LCLAT1: variants seen among roughly 807,000 people sequenced by gnomAD.
LCLAT1 encodes the protein lysocardiolipin acyltransferase 1.
In LCLAT1, 11 loss-of-function variants were observed where a neutral mutation model predicts 30.7. The observed-to-expected ratio is 0.36, with a 90% confidence interval of 0.23 to 0.59. LCLAT1 has a LOEUF of 0.59. Ranked by LOEUF, LCLAT1 falls within the 20% of genes least tolerant of loss-of-function variation. LCLAT1 has a pLI of 0.77. For synonymous variants in LCLAT1, 155 were observed against 151.3 expected, an observed-to-expected ratio of 1.02 and a Z score of -0.18; for missense variants, 402 against 458.6, an observed-to-expected ratio of 0.88 and a Z score of 1.13.
rs829624 is a variant in LCLAT1 at position 30,533,330 on chromosome 2, A to G, written c.364+16A>G. 159,489 of 1,604,976 alleles carry G rather than the reference A, an allele frequency of 0.099. 8,299 individuals carry two copies. Among genetic ancestry groups the G allele is most frequent in the East Asian group, 0.12 (5,456 of 44,798 alleles). ...CCTGGATTTGGTAGGTTATTCACAC[A>G]TTATTTTAAGTGGTTCATTCATTTT... is the stretch of plus-strand genomic sequence containing the variant. On this transcript the variant is annotated intron_variant, in intron 3 of 5. Transcript: ENST00000379509.
At chr2:30,479,213 G>C (rs1309133633) in intron 1 of LCLAT1, among the ~76,000 whole-genome samples, 1 of 151,876 alleles carries the variant, frequency 6.6e-6, no homozygotes, top group Non-Finnish European at 1.5e-5. Context: ...GTATATACTT[G>C]TTTTTTGTTT....
chr2:30,547,401 G>T (rs1664474312), intron 3 of LCLAT1, among the ~76,000 whole-genome samples: 1 of 152,154 alleles, frequency 6.6e-6, no homozygotes, highest in African/African-American at 2.4e-5. Context: ...AAGGTCAGAA[G>T]TAGTATTTTA....
intron 1 of LCLAT1, among the ~76,000 whole-genome samples, chr2:30,474,551 A>G (rs953928504): frequency 2.0e-5 from 3 of 152,064 alleles, no homozygotes; most frequent in African/African-American, 4.8e-5. Flanking sequence ...ATTTGAGTAC[A>G]GTTCTGGATC....
intron 3 of LCLAT1, among the ~76,000 whole-genome samples, chr2:30,545,029 TGTAAG>T (rs1664333498): frequency 6.6e-6 from 1 of 152,180 alleles, no homozygotes; most frequent in Non-Finnish European, 1.5e-5. Context: ...CTTAACTATT[TGTAAG>T]CTTGATAGGA....
At chr2:30,511,285 G>A (rs1287478499) in intron 1 of LCLAT1, among the ~76,000 whole-genome samples, 5 of 152,210 alleles carry the variant, frequency 3.3e-5, no homozygotes, top group African/African-American at 1.2e-4. Context: ...AAAGTGCTAG[G>A]ATTACAGGCA....
intron 3 of LCLAT1, among the ~76,000 whole-genome samples, chr2:30,554,460 TAA>T (rs778493165): frequency 6.6e-6 from 1 of 152,242 alleles, no homozygotes; most frequent in Non-Finnish European, 1.5e-5. Context: ...TACCGTGATT[TAA>T]AAATATCAAG....
intron 3 of LCLAT1, among the ~76,000 whole-genome samples, chr2:30,538,084 T>C (rs994464178): frequency 6.6e-6 from 1 of 151,918 alleles, no homozygotes; most frequent in Admixed American, 6.6e-5. Context: ...AAAGCAGTAG[T>C]AAGAGCGCAG....
chr2:30,493,638 C>A (rs1309592784), intron 1 of LCLAT1, among the ~76,000 whole-genome samples: 1 of 152,168 alleles, frequency 6.6e-6, no homozygotes, highest in Non-Finnish European at 1.5e-5. Context: ...ACAGCTCTGT[C>A]ACTCTAGAAA....
At chr2:30,470,917 T>C (rs1435929021) in intron 1 of LCLAT1, among the ~76,000 whole-genome samples, 1 of 112,184 alleles carries the variant, frequency 8.9e-6, no homozygotes, top group Non-Finnish European at 2.0e-5. Context: ...TATTCATTCT[T>C]TTTTTTTTTT....
intron 5 of LCLAT1, among the ~76,000 whole-genome samples, chr2:30,569,140 T>G (rs1387696317): frequency 6.6e-6 from 1 of 152,182 alleles, no homozygotes. Context: ...GAGTCAGGGA[T>G]AGAACCTTCT....
At chr2:30,634,025 G>T (rs1049229705) in intron 5 of LCLAT1, among the ~76,000 whole-genome samples, 1 of 152,144 alleles carries the variant, frequency 6.6e-6, no homozygotes, top group African/African-American at 2.4e-5. Flanking sequence ...ACTTCATGCT[G>T]GATATTACAT....
At chr2:30,539,063 G>A (rs1329321063) in intron 3 of LCLAT1, among the ~76,000 whole-genome samples, 1 of 151,276 alleles carries the variant, frequency 6.6e-6, no homozygotes, top group African/African-American at 2.4e-5. Context: ...TGGTTCAAGC[G>A]ATTTTCCTGC....
intron 1 of LCLAT1, among the ~76,000 whole-genome samples, chr2:30,501,687 A>G (rs1684400138): frequency 6.6e-6 from 1 of 152,160 alleles, no homozygotes; most frequent in Admixed American, 6.5e-5. Flanking sequence ...GAAAAGAAAA[A>G]ATAATTGATA....
chr2:30,511,549 A>G (rs9808079), intron 1 of LCLAT1, among the ~76,000 whole-genome samples: 55,366 of 152,160 alleles, frequency 0.36, 11,209 homozygotes, highest in Non-Finnish European at 0.46. Context: ...TAACTAGGGA[A>G]CATTTCCATC....
At position 30,605,944 on chromosome 2, in the gene LCLAT1, T is replaced by G. The variant is rs899508525; in HGVS notation, c.629-34173T>G. On this transcript the variant is annotated intron_variant, in intron 5 of 5. Coordinates refer to ENST00000379509, the MANE Select transcript of LCLAT1 (RefSeq NM_001002257.3). The stretch of plus-strand genomic sequence containing the variant: ...GGAGCGCGCAACCTAGATCCCTCAC[T>G]TGCACAGTTCACAGGAGGGTTCTTG... The G allele has an allele frequency of 1.6e-5, 18 of 1,141,338 alleles. No homozygotes were observed. In the African/African-American group the frequency reaches 2.3e-4, roughly 15 times the overall value. The allele number at this position is 1,141,338 out of a possible 1,614,324, so 70.7% of individuals were successfully genotyped here.
At chr2:30,483,336 T>C (rs1229526814) in intron 1 of LCLAT1, among the ~76,000 whole-genome samples, 1 of 151,966 alleles carries the variant, frequency 6.6e-6, no homozygotes, top group Non-Finnish European at 1.5e-5. Flanking sequence ...AAAAATAAAA[T>C]AAATAAAATT....
At position 30,469,195 on chromosome 2, in the gene LCLAT1, T is replaced by C. The variant is rs189386825; in HGVS notation, c.-5+21812T>C. On this transcript the variant is annotated intron_variant, in intron 1 of 5. Transcript: ENST00000379509. ...TTTCTTCCATTCTGTGGGTTGTCTTTTCATTTTCTTGATGGTGGTCTTTCA... is the reference window on the plus strand; with the variant it reads ...TTTCTTCCATTCTGTGGGTTGTCTTCTCATTTTCTTGATGGTGGTCTTTCA... Among the ~76,000 whole-genome samples the C allele has an allele frequency of 1.5e-4, 23 of 152,316 alleles. No homozygotes were observed. The East Asian group carries it at 4.2e-3, about 28-fold the overall frequency.
At chr2:30,602,753 T>A (rs778052901) in intron 5 of LCLAT1, among the ~76,000 whole-genome samples, 1 of 152,214 alleles carries the variant, frequency 6.6e-6, no homozygotes, top group Non-Finnish European at 1.5e-5. Flanking sequence ...AGTTTAAGCA[T>A]CATGACCATT....
intron 5 of LCLAT1, among the ~76,000 whole-genome samples, chr2:30,569,047 A>G (rs1037888207): frequency 4.6e-5 from 7 of 152,172 alleles, no homozygotes; most frequent in African/African-American, 1.7e-4. Context: ...GGTTGGTAGG[A>G]AGGCAAGTGC....
Sources: allele counts gnomAD v4.1 joint callset (sites outside exome capture counted in the v4.1 genomes callset), GRCh38; gene constraint gnomAD v4.1.1; transcripts MANE v1.5; gene names NCBI Gene and HGNC (gene_info 2026-07-23, HGNC 2026-07-21).